Variants in TAFA1 observed in about 807,000 individuals in gnomAD.
The protein encoded by TAFA1 is TAFA chemokine like family member 1, also known as chemokine-like protein TAFA-1.
TAFA1 carries 4 observed loss-of-function variants against 18.5 expected under a neutral mutation model. That is an observed-to-expected ratio of 0.22 (90% CI 0.11 to 0.49). The LOEUF (loss-of-function observed/expected upper bound fraction) is 0.49. Ranked by LOEUF, TAFA1 falls within the 20% of genes least tolerant of loss-of-function variation. The pLI is 0.98. For synonymous variants in TAFA1, 56 were observed against 55.2 expected, an observed-to-expected ratio of 1.01 and a Z score of -0.06; for missense variants, 147 against 169.0, an observed-to-expected ratio of 0.87 and a Z score of 0.72.
chr3:68,231,617 C>T (rs1219071208), intron 2 of TAFA1, among the ~76,000 whole-genome samples: 2 of 152,030 alleles, frequency 1.3e-5, no homozygotes, highest in Non-Finnish European at 2.9e-5. Context: ...GCCTCGGCCT[C>T]CCAAAGCGCT....
intron 2 of TAFA1, among the ~76,000 whole-genome samples, chr3:68,157,324 T>C (rs1459207291): frequency 6.6e-6 from 1 of 152,182 alleles, no homozygotes; most frequent in African/African-American, 2.4e-5. Flanking sequence ...AGCAGAACAT[T>C]GCCAAGAGAT....
At chr3:68,281,789 T>A (rs1293208646) in intron 2 of TAFA1, among the ~76,000 whole-genome samples, 1 of 152,172 alleles carries the variant, frequency 6.6e-6, no homozygotes, top group Non-Finnish European at 1.5e-5. Flanking sequence ...CGTGGGATAC[T>A]TAAAAGAGTG....
At chr3:68,174,749 A>G (rs2066102578) in intron 2 of TAFA1, among the ~76,000 whole-genome samples, 1 of 152,238 alleles carries the variant, frequency 6.6e-6, no homozygotes. Flanking sequence ...TAGAAAAGAA[A>G]ATACCATTTT....
chr3:68,219,823 A>C (rs983572504), intron 2 of TAFA1, among the ~76,000 whole-genome samples: 1 of 151,820 alleles, frequency 6.6e-6, no homozygotes, highest in Non-Finnish European at 1.5e-5. Context: ...ACCCAAGTTC[A>C]GAAACCTTGG....
chr3:68,400,626 G>A (rs762420033), intron 2 of TAFA1, among the ~76,000 whole-genome samples: 19 of 152,142 alleles, frequency 1.2e-4, no homozygotes, highest in Non-Finnish European at 2.1e-4. Flanking sequence ...GATTCTTTAA[G>A]AGACAAATCT....
chr3:68,226,575 C>G (rs910090803), intron 2 of TAFA1, among the ~76,000 whole-genome samples: 2 of 152,114 alleles, frequency 1.3e-5, no homozygotes, highest in African/African-American at 4.8e-5. Context: ...AGGACCTAAT[C>G]TGAATGGGGA....
intron 3 of TAFA1, among the ~76,000 whole-genome samples, chr3:68,492,122 C>T (rs922579980): frequency 3.3e-5 from 5 of 152,090 alleles, no homozygotes; most frequent in Non-Finnish European, 5.9e-5. Context: ...TAGAAATTAG[C>T]GGATATTTGC....
At chr3:68,121,146 C>T (rs868523103) in intron 2 of TAFA1, among the ~76,000 whole-genome samples, 7 of 152,168 alleles carry the variant, frequency 4.6e-5, no homozygotes, top group Middle Eastern at 3.4e-3. Context: ...TTTCTCTTTG[C>T]TCATAATGTT....
intron 2 of TAFA1, among the ~76,000 whole-genome samples, chr3:68,411,443 A>T (rs2070715565): frequency 6.6e-6 from 1 of 152,202 alleles, no homozygotes; most frequent in African/African-American, 2.4e-5. Context: ...ACCCATCTAA[A>T]TGTAATGTGA....
chr3:68,217,070 A>T (rs1387372204), intron 2 of TAFA1, among the ~76,000 whole-genome samples: 1 of 152,068 alleles, frequency 6.6e-6, no homozygotes, highest in East Asian at 1.9e-4. Flanking sequence ...TGAAGTGTAA[A>T]GGATGGAAAA....
chr3:68,520,557 A>G (rs1253902732), intron 3 of TAFA1, among the ~76,000 whole-genome samples: 1 of 152,226 alleles, frequency 6.6e-6, no homozygotes, highest in East Asian at 1.9e-4. Context: ...TGGCTTCTCT[A>G]GGCCATAACA....
At chr3:68,043,759 T>C (rs1705214161) in intron 2 of TAFA1, among the ~76,000 whole-genome samples, 1 of 152,212 alleles carries the variant, frequency 6.6e-6, no homozygotes, top group Admixed American at 6.5e-5. Context: ...CTGCCTGTGT[T>C]GTTGCTGAGG....
intron 2 of TAFA1, among the ~76,000 whole-genome samples, chr3:68,047,752 T>C (rs142990586): frequency 1.3e-3 from 193 of 152,232 alleles, no homozygotes; most frequent in African/African-American, 4.3e-3. Flanking sequence ...AATCACCCAA[T>C]AGACACAACA....
intron 3 of TAFA1, among the ~76,000 whole-genome samples, chr3:68,460,964 A>G (rs1453198871): frequency 6.6e-6 from 1 of 152,158 alleles, no homozygotes; most frequent in Non-Finnish European, 1.5e-5. Flanking sequence ...TTAGTGCCCA[A>G]GATAGGGCAG....
intron 2 of TAFA1, among the ~76,000 whole-genome samples, chr3:68,115,812 C>G (rs1265386838): frequency 6.6e-6 from 1 of 152,186 alleles, no homozygotes; most frequent in African/African-American, 2.4e-5. Flanking sequence ...TAATTCAAAG[C>G]CTGCTCAATG....
chr3:68,352,894 C>T (rs1429860278), intron 2 of TAFA1, among the ~76,000 whole-genome samples: 3 of 152,050 alleles, frequency 2.0e-5, no homozygotes, highest in Non-Finnish European at 4.4e-5. Context: ...TTTACCTCCT[C>T]TACCTATGAT....
intron 3 of TAFA1, among the ~76,000 whole-genome samples, chr3:68,457,871 A>T (rs1423474497): frequency 3.3e-5 from 5 of 152,162 alleles, no homozygotes; most frequent in Non-Finnish European, 5.9e-5. Context: ...CATATAAATG[A>T]GATCCAAGAT....
At position 68,276,375 on chromosome 3, in the gene TAFA1, T is replaced by C. The variant is rs923693864; in HGVS notation, c.119-140905T>C. Among the ~76,000 whole-genome samples, 5 of 152,276 alleles carry C rather than the reference T, an allele frequency of 3.3e-5. No individual in the cohort carries two copies. The East Asian group carries it at 9.6e-4, about 29-fold the overall frequency. The stretch of plus-strand genomic sequence containing the variant: ...AATAGTTACTGGTAGCATTCCCCTC[T>C]TGCGACAACCCAAAATGTCTGCAGA... On this transcript the variant is annotated intron_variant, in intron 2 of 4. Transcript: ENST00000478136.
At chr3:68,198,344 G>A (rs996152647) in intron 2 of TAFA1, among the ~76,000 whole-genome samples, 2 of 151,622 alleles carry the variant, frequency 1.3e-5, no homozygotes. Context: ...GTGTGTGCAA[G>A]TTTTTGTGTG....
Sources: gnomAD v4.1 joint callset for allele counts (sites outside exome capture counted in the v4.1 genomes callset) on GRCh38, gnomAD v4.1.1 for gene constraint, MANE v1.5 for transcripts, NCBI Gene and HGNC (gene_info 2026-07-23, HGNC 2026-07-21) for gene names.